The following SLC25A48 variants were observed in gnomAD, a reference collection of about 807,000 sequenced individuals.
SLC25A48 encodes solute carrier family 25 member 48.
SLC25A48 carries 29 observed loss-of-function variants against 32.2 expected under a neutral mutation model. The observed-to-expected ratio is 0.90, with a 90% CI of 0.67 to 1.23. The LOEUF (loss-of-function observed/expected upper bound fraction) is 1.23, where lower values mean the gene tolerates loss of function less well. SLC25A48 is among the 50% of genes most tolerant of loss of function. The pLI, the probability that SLC25A48 is intolerant of heterozygous loss-of-function variation, is 0.00. For missense variants in SLC25A48, 399 were observed against 422.7 expected, an observed-to-expected ratio of 0.94 and a Z score of 0.49; for synonymous variants, 164 against 172.3, an observed-to-expected ratio of 0.95 and a Z score of 0.38.
rs769631832 is a variant in SLC25A48, at chr5:135,622,047, AAAG to A, written c.-848-7184_-848-7182del. The stretch of plus-strand genomic sequence containing the variant: ...AAAGGACATAAATAACCAAACCATA[AAAG>A]AAGAACGGAGAAGGCCAAGAAGCAT... On this transcript the variant is annotated intron_variant, in intron 1 of 10. Coordinates refer to the SLC25A48 transcript ENST00000646290. Among the ~76,000 whole-genome samples the A allele has an allele frequency of 1.8e-4, 27 of 152,340 alleles. 1 individual carries two copies. Among genetic ancestry groups the A allele is most frequent in the African/African-American group, 6.3e-4 (26 of 41,582 alleles).
At chr5:135,831,043 G>A (rs1359429832), upstream of SLC25A48, among the ~76,000 whole-genome samples, 3 of 152,318 alleles carry the variant, frequency 2.0e-5, no homozygotes, top group Non-Finnish European at 4.4e-5. Flanking sequence ...GTATAGATCT[G>A]AAGGAGGTAG....
chr5:135,845,438 C>T (rs1170489300), intron 2 of SLC25A48, among the ~76,000 whole-genome samples: 1 of 152,236 alleles, frequency 6.6e-6, no homozygotes, highest in South Asian at 2.1e-4. Flanking sequence ...GACATCCAGT[C>T]TTTGTTCAGC....
At chr5:135,728,829 C>T (rs929502588) in intron 3 of SLC25A48, among the ~76,000 whole-genome samples, 7 of 147,064 alleles carry the variant, frequency 4.8e-5, no homozygotes, top group Non-Finnish European at 7.4e-5. Flanking sequence ...TTCCCCTGAA[C>T]ACATACACAA....
intron 7 of SLC25A48, among the ~76,000 whole-genome samples, chr5:135,886,632 TATATAA>T (rs1259912618): frequency 3.7e-4 from 7 of 18,810 alleles, no homozygotes; most frequent in East Asian, 2.6e-3. Flanking sequence ...TATATATATA[TATATAA>T]AATATATATA....
chr5:135,836,528 C>A (rs1758522269), intron 1 of SLC25A48, among the ~76,000 whole-genome samples: 1 of 152,090 alleles, frequency 6.6e-6, no homozygotes, highest in Non-Finnish European at 1.5e-5. Flanking sequence ...AATTCAATGT[C>A]TTTTAGTAAT....
intron 1 of SLC25A48, among the ~76,000 whole-genome samples, chr5:135,599,257 T>G (rs1453300324): frequency 6.6e-6 from 1 of 152,158 alleles, no homozygotes; most frequent in African/African-American, 2.4e-5. Flanking sequence ...TCCAAGCTTA[T>G]TCTCACCCAG....
intron 3 of SLC25A48, among the ~76,000 whole-genome samples, chr5:135,799,072 G>T (rs986939361): frequency 4.6e-5 from 7 of 151,656 alleles, no homozygotes. Flanking sequence ...ATATCGCAAA[G>T]AATGTACACC....
At chr5:135,881,559 A>G (rs962598368) in intron 7 of SLC25A48, among the ~76,000 whole-genome samples, 2 of 152,268 alleles carry the variant, frequency 1.3e-5, no homozygotes, top group Non-Finnish European at 2.9e-5. Context: ...ATAATTAAAC[A>G]TCTTGAGTGA....
intron 4 of SLC25A48, among the ~76,000 whole-genome samples, chr5:135,818,653 A>C (rs1757797554): frequency 1.3e-5 from 2 of 152,188 alleles, no homozygotes; most frequent in Non-Finnish European, 2.9e-5. Flanking sequence ...GTCTACACAA[A>C]ATGATATTCA....
upstream of SLC25A48, among the ~76,000 whole-genome samples, chr5:135,832,174 T>C (rs962457006): frequency 6.6e-5 from 10 of 152,060 alleles, no homozygotes; most frequent in African/African-American, 2.4e-4. Context: ...ATGTCTGGAC[T>C]CTGAAGCAAG....
intron 3 of SLC25A48, chr5:135,746,416 C>T (rs1327389681): frequency 1.6e-5 from 3 of 189,114 alleles, no homozygotes; most frequent in Non-Finnish European, 3.3e-5. Context: ...CCCTGCCACC[C>T]ACGCCTCCTC....
chr5:135,689,038 A>G (rs1255917002), intron 3 of SLC25A48, among the ~76,000 whole-genome samples: 1 of 152,192 alleles, frequency 6.6e-6, no homozygotes, highest in Admixed American at 6.5e-5. Context: ...AGATAGATTA[A>G]TTAATAAGAT....
In SLC25A48 at chr5:135,708,090, A is replaced by G. The variant is rs116665135; in HGVS notation, c.-521+73134A>G. 7.0e-3 allele frequency among the ~76,000 whole-genome samples: 1,060 copies of G among 152,130 alleles called. 15 individuals are homozygous for G. The highest frequency in any genetic ancestry group is 0.024 in the African/African-American group (1,012 of 41,488). On this transcript the variant is annotated intron_variant, in intron 3 of 10. Coordinates refer to the SLC25A48 transcript ENST00000646290. Reference sequence around the variant, plus strand: ...CTGGCTCTATGGCACTGTGACATGCACCCGCCAGCCTTCCAGGCAGCAGGG... The same window carrying G: ...CTGGCTCTATGGCACTGTGACATGCGCCCGCCAGCCTTCCAGGCAGCAGGG...
At chr5:135,879,181 T>A (rs528296112) in intron 6 of SLC25A48, among the ~76,000 whole-genome samples, 3 of 152,138 alleles carry the variant, frequency 2.0e-5, no homozygotes, top group African/African-American at 7.2e-5. Flanking sequence ...TGAGCATGCA[T>A]CCTAGTGATG....
intron 3 of SLC25A48, among the ~76,000 whole-genome samples, chr5:135,651,818 T>C (rs1034464028): frequency 1.3e-5 from 2 of 152,168 alleles, no homozygotes; most frequent in African/African-American, 4.8e-5. Flanking sequence ...TCTACATAGA[T>C]TTATAGGTAG....
chr5:135,603,346 C>T (rs775965510), intron 1 of SLC25A48, among the ~76,000 whole-genome samples: 40 of 152,222 alleles, frequency 2.6e-4, no homozygotes, highest in Non-Finnish European at 4.9e-4. Context: ...TTTCTGAAGA[C>T]GCTTTCATGA....
intron 3 of SLC25A48, among the ~76,000 whole-genome samples, chr5:135,663,183 C>T (rs192030317): frequency 4.6e-4 from 70 of 152,302 alleles, no homozygotes; most frequent in Non-Finnish European, 9.4e-4. Flanking sequence ...AGCTGAATTT[C>T]CTGGTTTTCC....
intron 1 of SLC25A48, among the ~76,000 whole-genome samples, chr5:135,584,761 A>C (rs1751323518): frequency 6.6e-6 from 1 of 152,264 alleles, no homozygotes; most frequent in Admixed American, 6.5e-5. Context: ...GAAAGCTCTA[A>C]ATTTGTGGAG....
At chr5:135,605,170 T>A (rs1751904367) in intron 1 of SLC25A48, among the ~76,000 whole-genome samples, 1 of 152,260 alleles carries the variant, frequency 6.6e-6, no homozygotes, top group African/African-American at 2.4e-5. Context: ...TTTTGGATAA[T>A]TTTTATTTAT....
Sources: gnomAD v4.1 joint callset for allele counts (sites outside exome capture counted in the v4.1 genomes callset) on GRCh38, gnomAD v4.1.1 for gene constraint, MANE v1.5 for transcripts, NCBI Gene and HGNC (gene_info 2026-07-23, HGNC 2026-07-21) for gene names.